Variants in MIPEP observed in about 807,000 individuals in gnomAD.
MIPEP encodes mitochondrial intermediate peptidase.
Under a neutral mutation model 90.3 loss-of-function variants are expected in MIPEP, and 79 were observed. That is an observed-to-expected ratio of 0.87 (90% CI 0.73 to 1.05). The LOEUF (loss-of-function observed/expected upper bound fraction) is 1.05, where lower values mean the gene tolerates loss of function less well. MIPEP is among the 50% of genes least tolerant of loss of function. The pLI is 0.00. For missense variants in MIPEP, 940 were observed against 905.6 expected, an observed-to-expected ratio of 1.04 and a Z score of -0.49; for synonymous variants, 334 against 315.8, an observed-to-expected ratio of 1.06 and a Z score of -0.61.
At chr13:23,816,018 T>G (rs1222393307) in intron 14 of MIPEP, among the ~76,000 whole-genome samples, 1 of 152,218 alleles carries the variant, frequency 6.6e-6, no homozygotes, top group Non-Finnish European at 1.5e-5. Flanking sequence ...GAACGAAAAG[T>G]CTACTGTAAT....
intron 2 of MIPEP, among the ~76,000 whole-genome samples, chr13:23,883,179 T>G (rs1871338820): frequency 1.3e-5 from 2 of 152,206 alleles, no homozygotes; most frequent in Admixed American, 1.3e-4. Context: ...AAGGTTCTTT[T>G]ATACCCAGAG....
Position 23,869,273 on chromosome 13 carries a change from G to A in MIPEP, c.943+19C>T, listed in dbSNP as rs2137515600. 1 of 1,557,818 alleles carries A rather than the reference G, an allele frequency of 6.4e-7. No individual in the cohort carries two copies. The highest frequency in any genetic ancestry group is 8.6e-7 in the Non-Finnish European group (1 of 1,156,772). ...TAAAAATCCTATTTTGCCCTTAAATGTTGGATAAACAGGCTTACCTGGATT... is the reference window on the plus strand; with the variant it reads ...TAAAAATCCTATTTTGCCCTTAAATATTGGATAAACAGGCTTACCTGGATT... On this transcript the variant is annotated intron_variant, in intron 7 of 18. Transcript: ENST00000382172.
intron 7 of MIPEP, among the ~76,000 whole-genome samples, chr13:23,867,494 T>C (rs71429857): frequency 7.9e-4 from 121 of 152,300 alleles, no homozygotes; most frequent in Non-Finnish European, 1.6e-3. Context: ...CCTGTTCAGT[T>C]TTCTCCATGG....
chr13:23,869,713 G>T (rs901108954), intron 6 of MIPEP, among the ~76,000 whole-genome samples: 3 of 152,164 alleles, frequency 2.0e-5, no homozygotes, highest in African/African-American at 7.2e-5. Flanking sequence ...GCTATAAAGC[G>T]TCTTAACCAG....
At chr13:23,765,455 T>C (rs1952583342) in intron 16 of MIPEP, among the ~76,000 whole-genome samples, 1 of 152,218 alleles carries the variant, frequency 6.6e-6, no homozygotes, top group South Asian at 2.1e-4. Context: ...AATTTATAAA[T>C]GTCACTTTAT....
intron 10 of MIPEP, chr13:23,842,696 T>C (rs1869354296): frequency 1.3e-5 from 2 of 152,554 alleles, no homozygotes; most frequent in East Asian, 1.9e-4. Context: ...CAACAGACAG[T>C]GCTGAAGCAT....
At chr13:23,808,800 A>C (rs1323827426) in intron 15 of MIPEP, among the ~76,000 whole-genome samples, 3 of 152,256 alleles carry the variant, frequency 2.0e-5, no homozygotes, top group African/African-American at 7.2e-5. Context: ...GGTTTTGTCT[A>C]TATAATAGAT....
intron 16 of MIPEP, among the ~76,000 whole-genome samples, chr13:23,790,226 C>T (rs1434036999): frequency 1.3e-5 from 2 of 152,124 alleles, no homozygotes; most frequent in Non-Finnish European, 2.9e-5. Context: ...TCCTCTTTAC[C>T]CTTCACTACT....
chr13:23,859,108 T>C lies in MIPEP; in HGVS notation c.1054-196A>G, dbSNP rs150981293. 1.7e-3 allele frequency among the ~76,000 whole-genome samples: 257 copies of C among 152,256 alleles called. 1 individual carries two copies. The highest frequency in any genetic ancestry group is 5.9e-3 in the African/African-American group (244 of 41,554). On this transcript the variant is annotated intron_variant, in intron 9 of 18. Coordinates refer to ENST00000382172, the MANE Select transcript of MIPEP (RefSeq NM_005932.4). ...TTTTGACTTCCCTGTAATCAAGAGA[T>C]AGTGAAGTATAACTAAGACCTACCC...
chr13:23,793,046 G>A (rs112415443), intron 16 of MIPEP, among the ~76,000 whole-genome samples: 42 of 152,248 alleles, frequency 2.8e-4, no homozygotes, highest in African/African-American at 9.9e-4. Context: ...AAAAACTGGC[G>A]ATAGCAAAAT....
intron 16 of MIPEP, among the ~76,000 whole-genome samples, chr13:23,762,870 G>C (rs554256335): frequency 1.3e-5 from 2 of 152,330 alleles, no homozygotes; most frequent in African/African-American, 4.8e-5. Context: ...AGGTGCAACA[G>C]ATGCCATGCC....
chr13:23,871,071 C>G (rs1040171024), intron 5 of MIPEP, among the ~76,000 whole-genome samples: 1 of 152,164 alleles, frequency 6.6e-6, no homozygotes, highest in Admixed American at 6.5e-5. Context: ...GCTTGAGCTG[C>G]TACAGAATGA....
At chr13:23,768,964 A>G (rs531994373) in intron 16 of MIPEP, among the ~76,000 whole-genome samples, 128 of 152,332 alleles carry the variant, frequency 8.4e-4, no homozygotes, top group African/African-American at 3.0e-3. Context: ...CATTTATTAG[A>G]TGAGACATAG....
intron 17 of MIPEP, among the ~76,000 whole-genome samples, chr13:23,758,143 G>A (rs1952505863): frequency 6.6e-6 from 1 of 152,194 alleles, no homozygotes; most frequent in Non-Finnish European, 1.5e-5. Context: ...AGGGGCAGGG[G>A]TGGCTGAGGG....
chr13:23,753,573 A>T (rs555139705), intron 18 of MIPEP, among the ~76,000 whole-genome samples: 1 of 152,352 alleles, frequency 6.6e-6, no homozygotes, highest in South Asian at 2.1e-4. Flanking sequence ...CCTTGCAGCC[A>T]AGAGTTAGAG....
At chr13:23,798,291 T>C (rs1418439783) in intron 16 of MIPEP, among the ~76,000 whole-genome samples, 1 of 152,220 alleles carries the variant, frequency 6.6e-6, no homozygotes, top group African/African-American at 2.4e-5. Flanking sequence ...AAACAGTTTG[T>C]TACACATAGA....
intron 10 of MIPEP, 149 bp downstream of exon 10, chr13:23,858,711 T>C (rs1870153209): frequency 1.5e-6 from 1 of 660,300 alleles, no homozygotes; most frequent in African/African-American, 1.8e-5. Flanking sequence ...AGCTGAAGAA[T>C]ACATGAGTGG....
At chr13:23,818,413 G>A (rs533461062) in intron 14 of MIPEP, among the ~76,000 whole-genome samples, 2 of 151,970 alleles carry the variant, frequency 1.3e-5, no homozygotes, top group South Asian at 4.2e-4. Context: ...GTGACAGAGC[G>A]AGACTCTGTC....
At chr13:23,757,900 A>G (rs1303702198) in intron 17 of MIPEP, among the ~76,000 whole-genome samples, 1 of 152,230 alleles carries the variant, frequency 6.6e-6, no homozygotes, top group Non-Finnish European at 1.5e-5. Context: ...CCTTTAACAT[A>G]CATGACTACA....
Sources: gnomAD v4.1 joint callset for allele counts (sites outside exome capture counted in the v4.1 genomes callset) on GRCh38, gnomAD v4.1.1 for gene constraint, MANE v1.5 for transcripts, NCBI Gene and HGNC (gene_info 2026-07-23, HGNC 2026-07-21) for gene names.